The following LDB2 variants were observed in gnomAD, a reference collection of about 807,000 sequenced individuals.
LDB2 encodes the protein LIM domain binding 2, also known as LIM domain-binding protein 2.
In LDB2, 12 loss-of-function variants were observed where a neutral mutation model predicts 44.3. The ratio of observed to expected loss-of-function variants is 0.27; its 90% CI spans 0.17 to 0.44. The LOEUF (loss-of-function observed/expected upper bound fraction) is 0.44. Ranked by LOEUF, LDB2 falls within the 20% of genes least tolerant of loss-of-function variation. LDB2 has a pLI of 1.00. For missense variants in LDB2, 344 were observed against 473.5 expected (o/e 0.73, Z 2.54); for synonymous variants, 164 against 174.8 (o/e 0.94, Z 0.49).
intron 5 of LDB2, among the ~76,000 whole-genome samples, chr4:16,543,902 TAAAC>T (rs1396862465): frequency 6.6e-6 from 1 of 152,146 alleles, no homozygotes; most frequent in Non-Finnish European, 1.5e-5. Flanking sequence ...ACAAAGAACT[TAAAC>T]AAATTTACAA....
At chr4:16,705,637 A>G (rs780601334) in intron 2 of LDB2, among the ~76,000 whole-genome samples, 2 of 152,104 alleles carry the variant, frequency 1.3e-5, no homozygotes, top group Non-Finnish European at 2.9e-5. Context: ...GTTCTAAGCC[A>G]CTCTGTTTTA....
intron 2 of LDB2, among the ~76,000 whole-genome samples, chr4:16,692,658 C>A (rs1751071490): frequency 6.6e-6 from 1 of 152,086 alleles, no homozygotes; most frequent in Non-Finnish European, 1.5e-5. Flanking sequence ...TCCCCACACC[C>A]CCTCAAGCTG....
intron 1 of LDB2, among the ~76,000 whole-genome samples, chr4:16,877,671 G>A (rs1324491580): frequency 6.6e-6 from 1 of 151,994 alleles, no homozygotes; most frequent in East Asian, 1.9e-4. Flanking sequence ...TAGAAAACAG[G>A]GTGTGTACAA....
intron 2 of LDB2, among the ~76,000 whole-genome samples, chr4:16,610,227 G>A (rs1725228753): frequency 1.3e-5 from 2 of 151,902 alleles, no homozygotes; most frequent in South Asian, 2.1e-4. Flanking sequence ...CTCAAAGACC[G>A]AAACTAGACA....
intron 1 of LDB2, among the ~76,000 whole-genome samples, chr4:16,891,373 G>A (rs1320491169): frequency 7.0e-6 from 1 of 142,048 alleles, no homozygotes; most frequent in Non-Finnish European, 1.5e-5. Flanking sequence ...AGTGCAGTGG[G>A]ACAATCTCGG....
intron 2 of LDB2, among the ~76,000 whole-genome samples, chr4:16,671,927 A>G (rs544981586): frequency 6.6e-6 from 1 of 152,164 alleles, no homozygotes. Context: ...ATGATTCACC[A>G]ATTTATTTAT....
chr4:16,641,180 A>G (rs1454650215), intron 2 of LDB2, among the ~76,000 whole-genome samples: 1 of 152,258 alleles, frequency 6.6e-6, no homozygotes, highest in Non-Finnish European at 1.5e-5. Context: ...TAAGAGAAAG[A>G]AATGAAAAGG....
chr4:16,641,023 T>C (rs1040848991), intron 2 of LDB2, among the ~76,000 whole-genome samples: 66 of 152,136 alleles, frequency 4.3e-4, no homozygotes, highest in African/African-American at 1.5e-3. Context: ...TTCCAAATGA[T>C]GGTGGGAAGT....
At chr4:16,513,906 C>T (rs1340564140) in intron 5 of LDB2, among the ~76,000 whole-genome samples, 1 of 152,198 alleles carries the variant, frequency 6.6e-6, no homozygotes, top group Non-Finnish European at 1.5e-5. Flanking sequence ...ACATATTATT[C>T]TAACTTTTCC....
chr4:16,776,035 T>C (rs1217009658), intron 1 of LDB2, among the ~76,000 whole-genome samples: 1 of 152,180 alleles, frequency 6.6e-6, no homozygotes, highest in Non-Finnish European at 1.5e-5. Context: ...CTTTAGAAAA[T>C]TGTGGCTTGC....
chr4:16,849,846 C>A (rs1029565837), intron 1 of LDB2, among the ~76,000 whole-genome samples: 2 of 152,222 alleles, frequency 1.3e-5, no homozygotes, highest in African/African-American at 4.8e-5. Flanking sequence ...CTTAGCCTTA[C>A]ACCTGGTCCC....
Position 16,510,473 on chromosome 4 carries a change from G to GTATC in LDB2, c.739+1504_739+1507dup, listed in dbSNP as rs1721301996. Among the ~76,000 whole-genome samples, 3 of 152,178 alleles carry GTATC rather than the reference G, an allele frequency of 2.0e-5. No homozygotes were observed. The South Asian group carries it at 6.2e-4, about 32-fold the overall frequency. ...AGATACTCAGGCCCACTCCTGACAA[G>GTATC]TATCTTCTTTCTTTGACCTTAAGAG... On this transcript the variant is annotated intron_variant, in intron 6 of 7. Coordinates refer to ENST00000304523, the MANE Select transcript of LDB2 (RefSeq NM_001290.5).
chr4:16,753,733 C>T (rs952581669), intron 2 of LDB2, among the ~76,000 whole-genome samples: 19 of 152,114 alleles, frequency 1.2e-4, no homozygotes, highest in African/African-American at 4.6e-4. Context: ...AGACAGGGTA[C>T]TAAGGTCAAG....
chr4:16,574,496 C>G (rs919517168), intron 5 of LDB2, among the ~76,000 whole-genome samples: 4 of 152,156 alleles, frequency 2.6e-5, no homozygotes, highest in African/African-American at 9.7e-5. Flanking sequence ...AAAGCCGCAA[C>G]CAATGTATGG....
chr4:16,555,912 C>T (rs1739408367), intron 5 of LDB2, among the ~76,000 whole-genome samples: 1 of 152,224 alleles, frequency 6.6e-6, no homozygotes, highest in African/African-American at 2.4e-5. Flanking sequence ...TCACCCCATG[C>T]TCCAGCCATG....
intron 2 of LDB2, among the ~76,000 whole-genome samples, chr4:16,752,959 GC>G (rs1439102855): frequency 1.3e-5 from 2 of 152,166 alleles, no homozygotes; most frequent in Admixed American, 6.5e-5. Context: ...GGGCCAGCTG[GC>G]CATGCCTTCT....
chr4:16,681,618 C>CTTTTTTT (rs536589787), intron 2 of LDB2, among the ~76,000 whole-genome samples: 2 of 61,700 alleles, frequency 3.2e-5, no homozygotes, highest in East Asian at 6.1e-4. Flanking sequence ...GTATTCTATT[C>CTTTTTTT]TTTTTTTTTT....
intron 5 of LDB2, among the ~76,000 whole-genome samples, chr4:16,560,846 G>A (rs1385172892): frequency 2.0e-5 from 3 of 152,160 alleles, no homozygotes; most frequent in African/African-American, 4.8e-5. Context: ...GAATCCAGCA[G>A]CACATCAAAA....
intron 1 of LDB2, among the ~76,000 whole-genome samples, chr4:16,897,408 T>G (rs1175967611): frequency 6.6e-6 from 1 of 152,030 alleles, no homozygotes. Context: ...AGCCCCAACT[T>G]ACAGGCAGAT....
Sources: allele counts gnomAD v4.1 joint callset (sites outside exome capture counted in the v4.1 genomes callset), GRCh38; gene constraint gnomAD v4.1.1; transcripts MANE v1.5; gene names NCBI Gene and HGNC (gene_info 2026-07-23, HGNC 2026-07-21).